The following SAMD8 variants were observed in gnomAD, a reference collection of about 807,000 sequenced individuals.
The protein encoded by SAMD8 is sphingomyelin synthase-related protein 1.
SAMD8 carries 20 observed loss-of-function variants against 42.0 expected under a neutral mutation model. The ratio of observed to expected loss-of-function variants is 0.48; its 90% CI spans 0.34 to 0.69. SAMD8 has a LOEUF of 0.69. SAMD8 is among the 30% of genes least tolerant of loss of function. The pLI, the probability that SAMD8 is intolerant of heterozygous loss-of-function variation, is 0.01. For synonymous variants in SAMD8, 162 were observed against 173.0 expected, an observed-to-expected ratio of 0.94 and a Z score of 0.50; for missense variants, 328 against 511.6, an observed-to-expected ratio of 0.64 and a Z score of 3.46.
intron 1 of SAMD8, chr10:75,105,941 G>T: frequency 7.0e-7 from 1 of 1,422,666 alleles, no homozygotes; most frequent in African/African-American, 1.4e-5. Flanking sequence ...GGGGACCCAA[G>T]TTCCTTTCCT....
chr10:75,176,623 T>G lies in SAMD8; in HGVS notation c.1179T>G (p.Asn393Lys). ...TCTCTTTTTTTGAATGCAATGTTAA[T>G]GGCACAGTACCTAATGAATATTGTT... is the stretch of plus-strand genomic sequence containing the variant. ...PMFSFFECNV[N>K]GTVPNEYCWP... The change falls in exon 6 of 6, where the codon AAT becomes AAG. Residue 393 changes from asparagine (N) to lysine (K), a missense_variant. Asn to Lys is a moderately conservative substitution (Grantham distance 94). Coordinates refer to ENST00000542569, the MANE Select transcript of SAMD8 (RefSeq NM_001174156.2). This position sits in a 1 kb window ranked among gnomAD's most constrained non-coding sequence, Gnocchi z 4.3. 1 of 1,550,416 alleles carries G rather than the reference T, an allele frequency of 6.4e-7. No homozygotes were observed. Among genetic ancestry groups the G allele is most frequent in the Non-Finnish European group, 8.7e-7 (1 of 1,146,830 alleles).
At position 75,176,800 on chromosome 10, in the gene SAMD8, A is replaced by C. The variant is rs940058442; in HGVS notation, c.*108A>C. 4.8e-5 allele frequency: 39 copies of C among 815,278 alleles called. No individual in the cohort carries two copies. Among genetic ancestry groups the C allele is most frequent in the Middle Eastern group, 7.3e-4 (2 of 2,754 alleles). The allele number at this position is 815,278 out of a possible 1,614,324, so 50.5% of individuals were successfully genotyped here. On this transcript the variant is annotated 3_prime_UTR_variant, in exon 6 of 6. Transcript: ENST00000542569. This position sits in a 1 kb window ranked among gnomAD's most constrained non-coding sequence, Gnocchi z 4.3. ...TCTTAGATGCCTGGCTTATGTGTTG[A>C]CAAAGTAAAGTTTTCTGTTCTGAGC...
chr10:75,129,376 G>A (rs769469100), intron 1 of SAMD8, among the ~76,000 whole-genome samples: 3 of 151,980 alleles, frequency 2.0e-5, no homozygotes, highest in Non-Finnish European at 4.4e-5. Context: ...AAGTAGCTGG[G>A]ATTACAGGCA....
rs755669148 is a variant in SAMD8 at position 75,164,658 on chromosome 10, C to T, written c.592C>T (p.Pro198Ser). ...DIFLDSVPRI[P>S]WAFAMTEVCG... is the part of the protein sequence containing the mutation. ...TTTCTGTTCCAGCGTTCCTAGAATC[C>T]CATGGGCCTTTGCCATGACGGAAGT... Residue 198 changes from proline (P) to serine (S), a missense_variant, in exon 3 of 6, where the codon CCA becomes TCA. Physicochemically the swap from Pro to Ser is moderately conservative, Grantham distance 74. Coordinates refer to ENST00000542569, the MANE Select transcript of SAMD8 (RefSeq NM_001174156.2). 1.2e-6 allele frequency: 2 copies of T among 1,614,010 alleles called. No homozygotes were observed. The highest frequency in any genetic ancestry group is 3.3e-5 in the Admixed American group (2 of 59,998).
chr10:75,118,496 T>G (rs1848934148), intron 1 of SAMD8, among the ~76,000 whole-genome samples: 1 of 152,038 alleles, frequency 6.6e-6, no homozygotes. Flanking sequence ...ATATAAAAAT[T>G]AGCCAGGTGT....
In SAMD8 at chr10:75,122,316, T is replaced by A. The variant is rs142892200; in HGVS notation, c.-16+10594T>A. 2.0e-5 allele frequency among the ~76,000 whole-genome samples: 3 copies of A among 152,104 alleles called. No homozygotes were observed. In the South Asian group the frequency reaches 6.2e-4, roughly 32 times the overall value. ...TTTTAAAATTTTCTCAGTTTTTATT[T>A]TGAAATAATTATAGGCTGGGCGCAG... is the stretch of plus-strand genomic sequence containing the variant. On this transcript the variant is annotated intron_variant, in intron 1 of 5. Coordinates refer to ENST00000542569, the MANE Select transcript of SAMD8 (RefSeq NM_001174156.2).
chr10:75,164,659 C>T lies in SAMD8; in HGVS notation c.593C>T (p.Pro198Leu). ...TTCTGTTCCAGCGTTCCTAGAATCC[C>T]ATGGGCCTTTGCCATGACGGAAGTA... ...DIFLDSVPRI[P>L]WAFAMTEVCG... The change falls in exon 3 of 6, where the codon CCA (proline) becomes CTA (leucine). Residue 198 changes from proline to leucine, a missense_variant. Around this residue, in one of 2 missense-constraint regions of SAMD8, gnomAD observed 178 missense variants for 325.6 expected, o/e 0.55. Transcript: ENST00000542569. The T allele has an allele frequency of 1.2e-6, 2 of 1,614,078 alleles. No individual in the cohort carries two copies. The highest frequency in any genetic ancestry group is 1.7e-6 in the Non-Finnish European group (2 of 1,179,990).
At chr10:75,143,027 G>A (rs148592855) in intron 1 of SAMD8, among the ~76,000 whole-genome samples, 338 of 151,410 alleles carry the variant, frequency 2.2e-3, no homozygotes, top group African/African-American at 6.8e-3. Flanking sequence ...CTGGTACTGC[G>A]GCTGGGCGCG....
intron 2 of SAMD8, among the ~76,000 whole-genome samples, chr10:75,161,492 C>T (rs1451965661): frequency 6.6e-6 from 1 of 151,650 alleles, no homozygotes; most frequent in African/African-American, 2.4e-5. Context: ...TAGTACTTTA[C>T]TGTCAAATAT....
chr10:75,129,676 T>C (rs922432756), intron 1 of SAMD8, among the ~76,000 whole-genome samples: 3 of 152,190 alleles, frequency 2.0e-5, no homozygotes, highest in Non-Finnish European at 4.4e-5. Flanking sequence ...CTTAGATACA[T>C]AACAAAGCCA....
chr10:75,135,531 A>G, intron 1 of SAMD8, among the ~76,000 whole-genome samples: 1 of 151,858 alleles, frequency 6.6e-6, no homozygotes, highest in Non-Finnish European at 1.5e-5. Context: ...TTGAAATTTT[A>G]AAAATGATCT....
At position 75,176,131 on chromosome 10, in the gene SAMD8, C is replaced by G. The variant is rs755835598; in HGVS notation, c.858C>G (p.Thr286=). ...AFAIWSGFGM[T]LTGVHTCGDY... The stretch of plus-strand genomic sequence containing the variant: ...CCATTTGGAGTGGCTTTGGTATGAC[C>G]CTGACTGGCGTTCACACATGTGGAG... Residue 286 remains threonine (T), a synonymous_variant, in exon 5 of 6, where the codon ACC becomes ACG. Coordinates refer to ENST00000542569, the MANE Select transcript of SAMD8 (RefSeq NM_001174156.2). The surrounding 1 kb of genome is among the most constrained non-coding windows in gnomAD (Gnocchi z 4.3). The G allele has an allele frequency of 1.2e-6, 2 of 1,614,024 alleles. No homozygotes were observed. The highest frequency in any genetic ancestry group is 1.7e-5 in the Admixed American group (1 of 59,992).
At chr10:75,100,659 G>A (rs1848104154) in intron 1 of SAMD8, among the ~76,000 whole-genome samples, 1 of 152,126 alleles carries the variant, frequency 6.6e-6, no homozygotes. Context: ...CCCTGATCCC[G>A]TGCTCCTCCT....
At chr10:75,129,291 A>G (rs1396061179) in intron 1 of SAMD8, among the ~76,000 whole-genome samples, 2 of 152,048 alleles carry the variant, frequency 1.3e-5, no homozygotes, top group Admixed American at 1.3e-4. Context: ...ACCAGGCTGG[A>G]GTGCAGTGGC....
intron 3 of SAMD8, 187 bp from the exon 4 acceptor site, chr10:75,168,342 GACAGTATATGGA>G: frequency 1.4e-6 from 1 of 728,892 alleles, no homozygotes; most frequent in Non-Finnish European, 1.7e-6. Context: ...TAGCTTCTTG[GACAGTATATGGA>G]ACATTTCCGT....
At chr10:75,138,258 T>C (rs944950384) in intron 1 of SAMD8, among the ~76,000 whole-genome samples, 1 of 152,206 alleles carries the variant, frequency 6.6e-6, no homozygotes, top group African/African-American at 2.4e-5. Flanking sequence ...CTTCATCATA[T>C]CTGCCACAGG....
intron 1 of SAMD8, among the ~76,000 whole-genome samples, chr10:75,101,429 G>C (rs1441689900): frequency 6.6e-6 from 1 of 152,180 alleles, no homozygotes; most frequent in East Asian, 1.9e-4. Flanking sequence ...CTACGGGACA[G>C]TGAGATTTCT....
intron 3 of SAMD8, among the ~76,000 whole-genome samples, chr10:75,165,501 T>A (rs768392056): frequency 4.0e-5 from 6 of 151,540 alleles, no homozygotes; most frequent in Middle Eastern, 3.2e-3. Flanking sequence ...AAACCCTGTC[T>A]CTACTAAAAA....
intron 1 of SAMD8, among the ~76,000 whole-genome samples, chr10:75,115,806 T>C (rs1848867424): frequency 6.6e-6 from 1 of 151,970 alleles, no homozygotes; most frequent in African/African-American, 2.4e-5. Context: ...CCGGGCCTCG[T>C]GGCAGGCGCC....
Sources: gnomAD v4.1 joint callset for allele counts (sites outside exome capture counted in the v4.1 genomes callset) on GRCh38, gnomAD v4.1.1 for gene constraint, gnomAD v4.1.1 regional missense constraint, Gnocchi (gnomAD v3.1) non-coding constraint, MANE v1.5 for transcripts, NCBI Gene and HGNC (gene_info 2026-07-23, HGNC 2026-07-21) for gene names.